DOCK7: variants seen among roughly 807,000 people sequenced by gnomAD.
DOCK7 encodes the protein dedicator of cytokinesis protein 7.
A neutral mutation model predicts 271.0 loss-of-function variants in DOCK7; 138 were observed. The observed-to-expected ratio is 0.51, with a 90% CI of 0.44 to 0.59. DOCK7 has a LOEUF of 0.59. Among genes scored for constraint, DOCK7 ranks in the 20% least tolerant of loss-of-function variants. The probability of loss-of-function intolerance (pLI) is 0.00; values close to 1 mark genes in which losing one functional copy is unlikely to be tolerated. For missense variants in DOCK7, 2,066 were observed against 2,592.4 expected (o/e 0.80, Z 4.41); for synonymous variants, 823 against 876.1 (o/e 0.94, Z 1.07).
intron 1 of DOCK7, among the ~76,000 whole-genome samples, chr1:62,684,326 A>G (rs1416730374): frequency 1.3e-5 from 2 of 152,242 alleles, no homozygotes; most frequent in East Asian, 1.9e-4. Context: ...TAACAACAGT[A>G]AGTAATATGG....
At chr1:62,602,467 G>GTAA in intron 14 of DOCK7, 2 of 1,188,976 alleles carry the variant, frequency 1.7e-6, no homozygotes, top group South Asian at 2.5e-5. Context: ...ATTAGGAAAA[G>GTAA]TAGTAACGAA....
intron 37 of DOCK7, among the ~76,000 whole-genome samples, chr1:62,500,096 G>A (rs1338052155): frequency 6.6e-6 from 1 of 152,154 alleles, no homozygotes; most frequent in African/African-American, 2.4e-5. Context: ...AGATAACCCA[G>A]CTTATCCTAT....
chr1:62,553,312 T>TA (rs1553168301), intron 21 of DOCK7, among the ~76,000 whole-genome samples: 5 of 20,586 alleles, frequency 2.4e-4, no homozygotes, highest in African/African-American at 6.0e-4. Context: ...AAAAAGTATT[T>TA]TATATATATA....
intron 13 of DOCK7, 128 bp from the exon 14 acceptor site, chr1:62,618,996 A>G: frequency 1.3e-6 from 1 of 741,118 alleles, no homozygotes; most frequent in Non-Finnish European, 2.2e-6. Flanking sequence ...CCAAATTTAT[A>G]TTATTATCAT....
rs543060758 is a variant in DOCK7, at chr1:62,651,393, T to C, written c.389+2332A>G. Among the ~76,000 whole-genome samples the C allele has an allele frequency of 3.6e-3, 537 of 147,510 alleles. 7 individuals are homozygous for C. Among genetic ancestry groups the C allele is most frequent in the African/African-American group, 0.012 (488 of 39,646 alleles). On this transcript the variant is annotated intron_variant, in intron 4 of 49. Coordinates refer to ENST00000635253, the MANE Select transcript of DOCK7 (RefSeq NM_001367561.1). ...GCAGCACACCAACATGGCACATGTATACATATGTAACAAACCTGCAAGTTG... is the reference window on the plus strand; with the variant it reads ...GCAGCACACCAACATGGCACATGTACACATATGTAACAAACCTGCAAGTTG...
intron 47 of DOCK7, among the ~76,000 whole-genome samples, chr1:62,474,702 C>T (rs983838242): frequency 2.0e-5 from 3 of 152,130 alleles, no homozygotes; most frequent in Non-Finnish European, 4.4e-5. Context: ...TGTATTTTCC[C>T]TTATCATGGA....
intron 14 of DOCK7, among the ~76,000 whole-genome samples, chr1:62,588,926 G>A (rs1193921713): frequency 6.6e-6 from 1 of 151,918 alleles, no homozygotes; most frequent in Admixed American, 6.6e-5. Context: ...TTTTTTTGTA[G>A]AGATGGAGTC....
intron 1 of DOCK7, among the ~76,000 whole-genome samples, chr1:62,663,359 A>G (rs956736192): frequency 2.0e-5 from 3 of 152,192 alleles, no homozygotes; most frequent in African/African-American, 7.2e-5. Context: ...CAGACAACCC[A>G]TATGAGGTTT....
chr1:62,553,342 ATATATATATATATTTTTTTTTTTT>A (rs1486764516), intron 21 of DOCK7, among the ~76,000 whole-genome samples: 81 of 33,018 alleles, frequency 2.5e-3, no homozygotes, highest in Middle Eastern at 0.031. Flanking sequence ...ATATATATAT[ATATATATATATATTTTTTTTTTTT>A]TTTTTTTTTT....
chr1:62,573,650 T>C (rs924763326), intron 18 of DOCK7, among the ~76,000 whole-genome samples: 2 of 152,214 alleles, frequency 1.3e-5, no homozygotes, highest in Non-Finnish European at 2.9e-5. Flanking sequence ...AAATACTTCA[T>C]TTTAAAAGTA....
intron 7 of DOCK7, 46 bp from the exon 8 acceptor site, chr1:62,636,649 TAC>T (rs1655312805): frequency 6.9e-7 from 1 of 1,455,964 alleles, no homozygotes; most frequent in Non-Finnish European, 9.4e-7. Flanking sequence ...AAACATGAAA[TAC>T]ACAGTTGGAG....
chr1:62,556,662 T>C (rs530249400), intron 20 of DOCK7, among the ~76,000 whole-genome samples: 8 of 152,144 alleles, frequency 5.3e-5, no homozygotes, highest in African/African-American at 1.7e-4. Flanking sequence ...TTGTGATAAA[T>C]TGCACACTGC....
At chr1:62,599,340 A>G (rs965529652) in intron 14 of DOCK7, among the ~76,000 whole-genome samples, 1 of 151,970 alleles carries the variant, frequency 6.6e-6, no homozygotes, top group Non-Finnish European at 1.5e-5. Flanking sequence ...TCTAACTGGA[A>G]CGCTCTTCTG....
intron 14 of DOCK7, chr1:62,597,947 C>A: frequency 1.3e-6 from 2 of 1,551,236 alleles, no homozygotes; most frequent in South Asian, 1.3e-5. Context: ...TTGAAAGCCT[C>A]CTAGAAGAAA....
At chr1:62,609,459 A>T (rs1221044334) in intron 14 of DOCK7, 1 of 152,180 alleles carries the variant, frequency 6.6e-6, no homozygotes, top group Non-Finnish European at 1.5e-5. Flanking sequence ...CACCCAATAG[A>T]TGGGAATAAT....
At chr1:62,477,584 A>T in intron 44 of DOCK7, 116 bp downstream of exon 44, 2 of 1,082,266 alleles carry the variant, frequency 1.8e-6, no homozygotes, top group Non-Finnish European at 2.6e-6. Flanking sequence ...TCTCTAACGG[A>T]GTAGTTTACT....
rs574677670 is a variant in DOCK7, at chr1:62,507,099, G to C, written c.4476+863C>G. Among the ~76,000 whole-genome samples, 56 of 151,956 alleles carry C rather than the reference G, an allele frequency of 3.7e-4. No homozygotes were observed. In the East Asian group the frequency reaches 5.9e-3, roughly 16 times the overall value. On this transcript the variant is annotated intron_variant, in intron 35 of 49. Transcript: ENST00000635253. ...GCTGGGATTACAGGCATGAGCCACC[G>C]TGCCCAGCCATAAAATACTTTTAAA... is the stretch of plus-strand genomic sequence containing the variant.
rs1646997155 is a variant in DOCK7, at chr1:62,508,134, G to A, written c.4380-76C>T. 4.7e-6 allele frequency: 6 copies of A among 1,285,524 alleles called. No individual in the cohort carries two copies. In the East Asian group the frequency reaches 8.2e-5, roughly 18 times the overall value. The allele number at this position is 1,285,524 out of a possible 1,614,324, so 79.6% of individuals were successfully genotyped here. A position where few individuals can be genotyped will look rare whatever the true frequency, so the allele number is the denominator to read the frequency against. On this transcript the variant is annotated intron_variant, in intron 34 of 49. Transcript: ENST00000635253. ...TTCTGAAAAGACTTAAGGATGCATA[G>A]AAATAAAAAATTTCAAACCATTTTC... is the stretch of plus-strand genomic sequence containing the variant.
chr1:62,680,746 A>G (rs1466206374), intron 1 of DOCK7, among the ~76,000 whole-genome samples: 1 of 151,682 alleles, frequency 6.6e-6, no homozygotes, highest in Non-Finnish European at 1.5e-5. Context: ...ACACTTCTCA[A>G]AAGAAGACAT....
Sources: allele counts gnomAD v4.1 joint callset (sites outside exome capture counted in the v4.1 genomes callset), GRCh38; gene constraint gnomAD v4.1.1; transcripts MANE v1.5; gene names NCBI Gene and HGNC (gene_info 2026-07-23, HGNC 2026-07-21).